The following ARHGAP29 variants were observed in gnomAD, a reference collection of about 807,000 sequenced individuals.
The protein encoded by ARHGAP29 is rho GTPase-activating protein 29.
Under a neutral mutation model 122.6 loss-of-function variants are expected in ARHGAP29, and 43 were observed. That is an observed-to-expected ratio of 0.35 (90% CI 0.27 to 0.45). ARHGAP29 has a LOEUF of 0.45. Ranked by LOEUF, ARHGAP29 falls within the 20% of genes least tolerant of loss-of-function variation. ARHGAP29 has a pLI of 1.00. For synonymous variants in ARHGAP29, 506 were observed against 497.1 expected, an observed-to-expected ratio of 1.02 and a Z score of -0.24; for missense variants, 1,303 against 1,477.2, an observed-to-expected ratio of 0.88 and a Z score of 1.93.
chr1:94,255,745 A>G (rs1654321513), intron 1 of ARHGAP29, among the ~76,000 whole-genome samples: 1 of 152,204 alleles, frequency 6.6e-6, no homozygotes. Context: ...AAGAATTTTC[A>G]GTGGGAGGAG....
intron 1 of ARHGAP29, among the ~76,000 whole-genome samples, chr1:94,248,756 G>A (rs1392969597): frequency 6.6e-6 from 1 of 152,228 alleles, no homozygotes; most frequent in East Asian, 1.9e-4. Context: ...AGGCTGGAGT[G>A]CAGTGGCACA....
chr1:94,297,537 A>G, the ARHGAP29 span, among the ~76,000 whole-genome samples: 3 of 152,102 alleles, frequency 2.0e-5, no homozygotes, highest in Non-Finnish European at 2.9e-5. Context: ...TCTACTACCC[A>G]TTCCCCTTTC....
At chr1:94,237,032 C>A (rs1653318113) in intron 1 of ARHGAP29, among the ~76,000 whole-genome samples, 1 of 152,176 alleles carries the variant, frequency 6.6e-6, no homozygotes, top group Non-Finnish European at 1.5e-5. Flanking sequence ...TGAACCGAGT[C>A]GAACAATCAT....
chr1:94,265,050 G>A (rs536010378), intron 1 of ARHGAP29, among the ~76,000 whole-genome samples: 2 of 152,372 alleles, frequency 1.3e-5, no homozygotes, highest in East Asian at 1.9e-4. Context: ...TGAAAGGAGT[G>A]TATTAATTAT....
chr1:94,209,064 T>C (rs1036315857), intron 4 of ARHGAP29, among the ~76,000 whole-genome samples, 160 bp from the exon 5 acceptor site: 1 of 152,178 alleles, frequency 6.6e-6, no homozygotes, highest in African/African-American at 2.4e-5. Context: ...TGCAAATGGA[T>C]GTTGCTTCTA....
At chr1:94,198,192 A>T (rs924703724) in intron 12 of ARHGAP29, among the ~76,000 whole-genome samples, 1 of 150,830 alleles carries the variant, frequency 6.6e-6, no homozygotes, top group East Asian at 2.0e-4. Context: ...AACAATTAAA[A>T]CAGCCAGCCA....
chr1:94,262,889 C>T (rs1654617437), intron 1 of ARHGAP29, among the ~76,000 whole-genome samples: 1 of 152,158 alleles, frequency 6.6e-6, no homozygotes, highest in Non-Finnish European at 1.5e-5. Context: ...AATTCCATTA[C>T]TGGGTATACA....
chr1:94,312,150 C>A, the ARHGAP29 span, among the ~76,000 whole-genome samples: 30 of 152,138 alleles, frequency 2.0e-4, no homozygotes, highest in Non-Finnish European at 3.7e-4. Context: ...GCTGTCTTCA[C>A]CAACTCTTCC....
intron 1 of ARHGAP29, among the ~76,000 whole-genome samples, chr1:94,262,450 A>G (rs1265226523): frequency 1.3e-5 from 2 of 152,234 alleles, no homozygotes; most frequent in Non-Finnish European, 2.9e-5. Flanking sequence ...ATAAACTATC[A>G]ATAGAGTAAA....
chr1:94,255,439 A>G (rs1359119556), intron 1 of ARHGAP29, among the ~76,000 whole-genome samples: 1 of 152,244 alleles, frequency 6.6e-6, no homozygotes, highest in Non-Finnish European at 1.5e-5. Flanking sequence ...AGAGTAACAC[A>G]TAAGGCAACA....
intron 6 of ARHGAP29, 133 bp from the exon 7 acceptor site, chr1:94,205,331 A>T: frequency 1.4e-6 from 1 of 729,960 alleles, no homozygotes; most frequent in Non-Finnish European, 2.1e-6. Context: ...TGACAAATTT[A>T]CAATTAAAAG....
chr1:94,237,846 G>T, upstream of ARHGAP29: 1 of 820,604 alleles, frequency 1.2e-6, no homozygotes, highest in Non-Finnish European at 1.5e-6. Context: ...GTCACCTGAG[G>T]ACTAGATGCG....
At chr1:94,274,244 G>A (rs1281415343) in intron 1 of ARHGAP29, among the ~76,000 whole-genome samples, 7 of 152,102 alleles carry the variant, frequency 4.6e-5, no homozygotes, top group Non-Finnish European at 1.0e-4. Flanking sequence ...CTCTGTTGTC[G>A]TATCGTGAAA....
Position 94,231,503 on chromosome 1 carries a change from T to C in ARHGAP29, c.109A>G (p.Asn37Asp). The change falls in exon 2 of 23, where the codon AAC becomes GAC. Residue 37 changes from asparagine (N) to aspartate (D), a missense_variant. By Grantham distance (23) the Asn-to-Asp change is conservative. Coordinates refer to ENST00000260526, the MANE Select transcript of ARHGAP29 (RefSeq NM_004815.4). ...ATGTAATCCGGATCAAAAATAGAGT[T>C]GGAACTTAAGGACTTGAGCCCCATT... Reference protein sequence around the residue: ...SEMGLKSLSSNSIFDPDYIKE... With the variant: ...SEMGLKSLSSDSIFDPDYIKE... 1 of 1,613,842 alleles carries C rather than the reference T, an allele frequency of 6.2e-7. No homozygotes were observed. Among genetic ancestry groups the C allele is most frequent in the African/African-American group, 1.3e-5 (1 of 75,042 alleles).
chr1:94,270,407 T>A (rs1011555264), intron 1 of ARHGAP29, among the ~76,000 whole-genome samples: 1 of 152,214 alleles, frequency 6.6e-6, no homozygotes, highest in Non-Finnish European at 1.5e-5. Context: ...CTGGCAGACA[T>A]GGAATGTGTG....
chr1:94,179,732 G>A lies in ARHGAP29; in HGVS notation c.2473C>T (p.Leu825=). The change falls in exon 20 of 23, where the codon CTA becomes TTA. Residue 825 remains leucine, a synonymous_variant. Transcript: ENST00000260526. ...GTTATATAAAATTCTTACCGCTTTA[G>A]ATGTACTATAAGGAAATGAAGACTG... ...FNSLHFLIVH[L]KRVVDHAEEN... is the part of the protein sequence containing the mutation. The A allele has an allele frequency of 6.2e-7, 1 of 1,600,484 alleles. No individual in the cohort carries two copies. The highest frequency in any genetic ancestry group is 8.5e-7 in the Non-Finnish European group (1 of 1,170,700).
upstream of ARHGAP29, among the ~76,000 whole-genome samples, chr1:94,238,156 G>A (rs1653423481): frequency 6.7e-6 from 1 of 148,538 alleles, no homozygotes; most frequent in African/African-American, 2.5e-5. Flanking sequence ...CGCCTCCCGG[G>A]CTCAATTGAT....
Position 94,174,595 on chromosome 1 carries a change from C to A in ARHGAP29, c.3060G>T (p.Leu1020Phe), listed in dbSNP as rs757203533. 1.9e-6 allele frequency: 3 copies of A among 1,614,048 alleles called. No homozygotes were observed. Among genetic ancestry groups the A allele is most frequent in the Non-Finnish European group, 2.5e-6 (3 of 1,180,048 alleles). ...TPRTKIRPVS[L>F]PVDRLLLASP... is the part of the protein sequence containing the mutation. ...TTGCAAGAAGTAGTCTATCTACAGGCAAACTTACAGGTCTAATCTTGGTCC... is the reference window on the plus strand; with the variant it reads ...TTGCAAGAAGTAGTCTATCTACAGGAAAACTTACAGGTCTAATCTTGGTCC... The change falls in exon 23 of 23, where the codon TTG becomes TTT. Residue 1020 changes from leucine to phenylalanine, a missense_variant. Around this residue, in one of 3 missense-constraint regions of ARHGAP29, gnomAD observed 620 missense variants for 651.2 expected, o/e 0.95. Coordinates refer to ENST00000260526, the MANE Select transcript of ARHGAP29 (RefSeq NM_004815.4).
At chr1:94,215,679 G>T (rs889988797) in intron 3 of ARHGAP29, among the ~76,000 whole-genome samples, 1 of 151,986 alleles carries the variant, frequency 6.6e-6, no homozygotes, top group African/African-American at 2.4e-5. Context: ...AAACATTCAA[G>T]AATTCTATTA....
Sources: allele counts gnomAD v4.1 joint callset (sites outside exome capture counted in the v4.1 genomes callset), GRCh38; gene constraint gnomAD v4.1.1; regional missense constraint gnomAD v4.1.1; transcripts MANE v1.5; gene names NCBI Gene and HGNC (gene_info 2026-07-23, HGNC 2026-07-21).